The following PACSIN2 variants were observed in gnomAD, a reference collection of about 807,000 sequenced individuals.
PACSIN2 encodes the protein protein kinase C and casein kinase substrate in neurons protein 2.
Under a neutral mutation model 63.8 loss-of-function variants are expected in PACSIN2, and 25 were observed. The observed-to-expected ratio is 0.39, with a 90% CI of 0.29 to 0.55. The LOEUF (loss-of-function observed/expected upper bound fraction) is 0.55. PACSIN2 is among the 20% of genes least tolerant of loss of function. PACSIN2 has a pLI of 0.62. For missense variants in PACSIN2, 518 were observed against 646.9 expected (o/e 0.80, Z 2.16); for synonymous variants, 255 against 256.2 (o/e 1.00, Z 0.05).
chr22:42,984,082 C>A (rs1161648389), intron 1 of PACSIN2, among the ~76,000 whole-genome samples: 1 of 150,980 alleles, frequency 6.6e-6, no homozygotes, highest in Non-Finnish European at 1.5e-5. Flanking sequence ...GCAATCCTCC[C>A]ACTTCAGCCT....
chr22:42,902,936 C>T (rs548476661), intron 2 of PACSIN2, among the ~76,000 whole-genome samples: 4 of 152,254 alleles, frequency 2.6e-5, no homozygotes, highest in Non-Finnish European at 5.9e-5. Flanking sequence ...CTCAATCCTG[C>T]GAGTCACACG....
intron 1 of PACSIN2, among the ~76,000 whole-genome samples, chr22:42,948,067 T>C (rs1933512188): frequency 6.6e-6 from 1 of 152,140 alleles, no homozygotes; most frequent in African/African-American, 2.4e-5. Context: ...AGGGCTGATG[T>C]TTCAGTGGGA....
chr22:42,884,671 C>A (rs980925298), intron 5 of PACSIN2, 110 bp from the exon 6 acceptor site: 12 of 789,488 alleles, frequency 1.5e-5, no homozygotes, highest in Non-Finnish European at 2.2e-5. Flanking sequence ...AAAGAAAAAA[C>A]AGGAGCTCTG....
chr22:42,920,238 G>C (rs538372313), intron 1 of PACSIN2, among the ~76,000 whole-genome samples: 5 of 152,208 alleles, frequency 3.3e-5, no homozygotes, highest in Non-Finnish European at 7.3e-5. Context: ...GAGGGAGACT[G>C]TTCCTGCACA....
chr22:42,881,531 C>A (rs1284449835), intron 7 of PACSIN2, among the ~76,000 whole-genome samples: 2 of 152,314 alleles, frequency 1.3e-5, no homozygotes, highest in East Asian at 3.9e-4. Flanking sequence ...CGTGCTTAAG[C>A]CTCAGGGGCA....
chr22:42,948,077 A>T (rs1933512601), intron 1 of PACSIN2, among the ~76,000 whole-genome samples: 1 of 152,186 alleles, frequency 6.6e-6, no homozygotes, highest in Admixed American at 6.5e-5. Flanking sequence ...TTTCAGTGGG[A>T]ATTCTTCAGC....
intron 1 of PACSIN2, among the ~76,000 whole-genome samples, chr22:42,949,519 G>A (rs1157618173): frequency 1.3e-5 from 2 of 151,944 alleles, no homozygotes; most frequent in Admixed American, 1.3e-4. Context: ...CATTTCCAGT[G>A]ACCACTTATA....
At chr22:42,989,867 AAT>A (rs72245261) in intron 1 of PACSIN2, among the ~76,000 whole-genome samples, 10,998 of 125,058 alleles carry the variant, frequency 0.088, 1,035 homozygotes, top group East Asian at 0.53. Context: ...GGGAAAAAAA[AAT>A]ATATATATAT....
chr22:42,999,362 C>T (rs141863372), intron 1 of PACSIN2, among the ~76,000 whole-genome samples: 25 of 152,242 alleles, frequency 1.6e-4, no homozygotes, highest in East Asian at 7.7e-4. Flanking sequence ...TGTGTGTGTA[C>T]GGAGGCATTA....
chr22:42,949,664 C>G (rs1371955347), intron 1 of PACSIN2, among the ~76,000 whole-genome samples: 3 of 151,560 alleles, frequency 2.0e-5, no homozygotes, highest in Non-Finnish European at 2.9e-5. Context: ...AATACCCCCA[C>G]TACACACACA....
chr22:42,895,398 T>G (rs1029866109), intron 2 of PACSIN2, among the ~76,000 whole-genome samples: 11 of 152,170 alleles, frequency 7.2e-5, no homozygotes. Context: ...ACAGTCGACA[T>G]GAAGCCACAA....
intron 10 of PACSIN2, among the ~76,000 whole-genome samples, chr22:42,872,924 G>A (rs142499636): frequency 5.1e-4 from 78 of 152,332 alleles, no homozygotes; most frequent in Admixed American, 1.6e-3. Flanking sequence ...TCGGGCCCCT[G>A]GCGTTTCTTT....
intron 1 of PACSIN2, among the ~76,000 whole-genome samples, chr22:42,940,002 C>T (rs974566760): frequency 6.6e-6 from 1 of 152,184 alleles, no homozygotes; most frequent in Admixed American, 6.5e-5. Context: ...CTACCTAGCA[C>T]CAGACACAAT....
chr22:42,906,501 C>T (rs141680831), intron 2 of PACSIN2, among the ~76,000 whole-genome samples: 286 of 152,334 alleles, frequency 1.9e-3, no homozygotes, highest in African/African-American at 6.3e-3. Flanking sequence ...GCAGCCCACA[C>T]GTCGAGGGCC....
chr22:43,012,653 ATTTT>A (rs888300681), intron 1 of PACSIN2, among the ~76,000 whole-genome samples: 1 of 141,552 alleles, frequency 7.1e-6, no homozygotes. Flanking sequence ...CGCCAGACTA[ATTTT>A]TTTTTTTTTT....
intron 1 of PACSIN2, among the ~76,000 whole-genome samples, chr22:42,930,805 C>T (rs981525874): frequency 3.9e-5 from 6 of 152,090 alleles, no homozygotes; most frequent in Non-Finnish European, 5.9e-5. Flanking sequence ...AATAACGTGC[C>T]CAAGTCACAC....
At chr22:42,956,082 T>C (rs1933904689) in intron 1 of PACSIN2, among the ~76,000 whole-genome samples, 2 of 152,252 alleles carry the variant, frequency 1.3e-5, no homozygotes, top group African/African-American at 4.8e-5. Context: ...TTCTTCCTTG[T>C]TCTCCTTCAA....
chr22:42,874,852 CTTT>C (rs777530387), intron 10 of PACSIN2, among the ~76,000 whole-genome samples: 1 of 128,206 alleles, frequency 7.8e-6, no homozygotes, highest in Non-Finnish European at 1.7e-5. Context: ...TGGGCATCCG[CTTT>C]TTTTTTTTTT....
chr22:42,874,926 C>T (rs112316084), intron 10 of PACSIN2, among the ~76,000 whole-genome samples: 3,590 of 151,502 alleles, frequency 0.024, 55 homozygotes, highest in Non-Finnish European at 0.037. Flanking sequence ...TCTCGGCTCA[C>T]TGCAAGCTCC....
Sources: allele counts gnomAD v4.1 joint callset (sites outside exome capture counted in the v4.1 genomes callset), GRCh38; gene constraint gnomAD v4.1.1; transcripts MANE v1.5; gene names NCBI Gene and HGNC (gene_info 2026-07-23, HGNC 2026-07-21).